The following AREL1 variants were observed in gnomAD, a reference collection of about 807,000 sequenced individuals.
AREL1 encodes apoptosis-resistant E3 ubiquitin protein ligase 1.
Under a neutral mutation model 99.0 loss-of-function variants are expected in AREL1, and 62 were observed. The observed-to-expected ratio is 0.63, with a 90% CI of 0.51 to 0.77. AREL1 has a LOEUF of 0.77. Ranked by LOEUF, AREL1 falls within the 30% of genes least tolerant of loss-of-function variation. The pLI is 0.00. For synonymous variants in AREL1, 380 were observed against 376.5 expected, an observed-to-expected ratio of 1.01 and a Z score of -0.11; for missense variants, 879 against 1,027.6, an observed-to-expected ratio of 0.86 and a Z score of 1.98.
intron 1 of AREL1, among the ~76,000 whole-genome samples, chr14:74,702,092 C>T (rs2090095884): frequency 6.6e-6 from 1 of 152,210 alleles, no homozygotes; most frequent in African/African-American, 2.4e-5. Context: ...TGAGGCTTTT[C>T]CAGGCACATG....
chr14:74,698,367 A>G (rs2090013999), intron 1 of AREL1, among the ~76,000 whole-genome samples: 1 of 152,180 alleles, frequency 6.6e-6, no homozygotes, highest in Non-Finnish European at 1.5e-5. Flanking sequence ...TGGCTTCTAG[A>G]ACATTCTTGC....
rs1347687167 is a variant in AREL1, at chr14:74,689,745, C to T, written c.-46+2296G>A. On this transcript the variant is annotated intron_variant, in intron 2 of 19. Transcript: ENST00000356357. ...CCGAGTAGCTGGGATTACAGGCATGCACCACCACGCCTGGCTAATTTTGTA... is the reference window on the plus strand; with the variant it reads ...CCGAGTAGCTGGGATTACAGGCATGTACCACCACGCCTGGCTAATTTTGTA... Among the ~76,000 whole-genome samples the T allele has an allele frequency of 7.9e-5, 12 of 151,050 alleles. No individual in the cohort carries two copies. The East Asian group carries it at 2.2e-3, about 27-fold the overall frequency.
intron 2 of AREL1, among the ~76,000 whole-genome samples, chr14:74,689,839 G>A (rs12894665): frequency 0.23 from 34,244 of 151,038 alleles, 4,045 homozygotes; most frequent in South Asian, 0.32. Context: ...GAGGTGATCC[G>A]CCTGCCTCAG....
chr14:74,710,177 T>C (rs2090254550), intron 1 of AREL1, among the ~76,000 whole-genome samples: 1 of 152,192 alleles, frequency 6.6e-6, no homozygotes, highest in African/African-American at 2.4e-5. Flanking sequence ...TCTGACCACT[T>C]TCATTTCACG....
intron 1 of AREL1, among the ~76,000 whole-genome samples, chr14:74,699,512 G>A (rs576587449): frequency 5.9e-5 from 9 of 152,226 alleles, no homozygotes; most frequent in South Asian, 2.1e-4. Context: ...ACCCTCAACC[G>A]TGGACTGGAA....
chr14:74,666,337 G>A (rs888097214), intron 17 of AREL1, among the ~76,000 whole-genome samples: 1 of 152,170 alleles, frequency 6.6e-6, no homozygotes, highest in African/African-American at 2.4e-5. Flanking sequence ...TGAGCAACAG[G>A]CCACAACAAA....
intron 5 of AREL1, among the ~76,000 whole-genome samples, chr14:74,682,194 A>G (rs920145669): frequency 1.3e-5 from 2 of 152,176 alleles, no homozygotes; most frequent in African/African-American, 4.8e-5. Flanking sequence ...CACTTTGTCC[A>G]GAGCCTTACT....
intron 15 of AREL1, 79 bp downstream of exon 15, chr14:74,669,570 G>A: frequency 6.6e-7 from 1 of 1,515,674 alleles, no homozygotes; most frequent in Admixed American, 2.1e-5. Context: ...TTCCACCACT[G>A]CAGAAAGTTC....
At position 74,667,376 on chromosome 14, in the gene AREL1, G is replaced by A. The variant is rs757157348; in HGVS notation, c.2046C>T (p.Gly682=). 3.1e-6 allele frequency: 5 copies of A among 1,614,084 alleles called. No individual in the cohort carries two copies. Among genetic ancestry groups the A allele is most frequent in the Non-Finnish European group, 4.2e-6 (5 of 1,180,020 alleles). Residue 682 remains glycine (G), a splice_region_variant and synonymous_variant, in exon 17 of 20, where the codon GGC becomes GGT. Transcript: ENST00000356357. ...GGTTCTCAGGGACCAATTCATTCAG[G>A]CCTGAAACAAAGTAGGCAAGTTAAA... The part of the protein sequence containing the change: ...VKEEVEHFLK[G]LNELVPENLL...
At chr14:74,694,522 C>T (rs1203982367) in intron 1 of AREL1, among the ~76,000 whole-genome samples, 2 of 152,132 alleles carry the variant, frequency 1.3e-5, no homozygotes, top group East Asian at 1.9e-4. Flanking sequence ...TCTTGGTATA[C>T]GGAATTATAA....
At position 74,670,767 on chromosome 14, in the gene AREL1, C is replaced by T. The variant is rs372477648; in HGVS notation, c.1603G>A (p.Ala535Thr). 2.0e-5 allele frequency: 32 copies of T among 1,613,708 alleles called. No homozygotes were observed. Among genetic ancestry groups the T allele is most frequent in the South Asian group, 3.3e-5 (3 of 91,068 alleles). ...LFTRFSDNNQ[A>T]LVHPNPNRPA... ...CCCACCCGTCACCAACTCACTAATG[C>T]TTGGTTGTTGTCACTGAACCGGGTG... Residue 535 changes from alanine to threonine, a missense_variant, in exon 13 of 20, where the codon GCA becomes ACA. By Grantham distance (58) the Ala-to-Thr change is moderately conservative (BLOSUM62 0). Coordinates refer to ENST00000356357, the MANE Select transcript of AREL1 (RefSeq NM_001039479.2).
chr14:74,691,784 C>T lies in AREL1; in HGVS notation c.-46+257G>A, dbSNP rs186355613. Among the ~76,000 whole-genome samples, 572 of 152,166 alleles carry T rather than the reference C, an allele frequency of 3.8e-3. 10 individuals are homozygous for T. Among genetic ancestry groups the T allele is most frequent in the African/African-American group, 0.013 (521 of 41,518 alleles). ...CATATTCTAAAATCCTCTGCTTTTT[C>T]GGAGTATAAAGATTTTTAATTACAG... On this transcript the variant is annotated intron_variant, in intron 2 of 19. Transcript: ENST00000356357.
At position 74,667,514 on chromosome 14, in the gene AREL1, T is replaced by C. The variant is rs2089236196; in HGVS notation, c.1995A>G (p.Gln665=). The change falls in exon 16 of 20, where the codon CAA becomes CAG. Residue 665 remains glutamine (Q), a synonymous_variant. Transcript: ENST00000356357. ...NKIFYLNLLA[Q]YRLASQVKEE... ...CTTTCACTTGACTGGCCAGCCGATA[T>C]TGGGCCAGCAAATTTAAATAGAAGA... 1 of 1,613,906 alleles carries C rather than the reference T, an allele frequency of 6.2e-7. No homozygotes were observed. Among genetic ancestry groups the C allele is most frequent in the Non-Finnish European group, 8.5e-7 (1 of 1,179,896 alleles).
chr14:74,672,234 T>C (rs1330336321), intron 11 of AREL1, among the ~76,000 whole-genome samples: 6 of 152,232 alleles, frequency 3.9e-5, no homozygotes, highest in Admixed American at 3.3e-4. Context: ...TCAGTAGATT[T>C]GAAGGCCAGT....
chr14:74,685,486 G>A lies in AREL1; in HGVS notation c.16+114C>T, dbSNP rs1263985094. On this transcript the variant is annotated intron_variant, in intron 3 of 19. Transcript: ENST00000356357. ...ACTCTGTGAAGGTACATTCTGGCACGACTAGAAATATTTTCAGCTCCATTT... is the reference window on the plus strand; with the variant it reads ...ACTCTGTGAAGGTACATTCTGGCACAACTAGAAATATTTTCAGCTCCATTT... 5.3e-5 allele frequency: 67 copies of A among 1,259,632 alleles called. No homozygotes were observed. In the South Asian group the frequency reaches 7.9e-4, roughly 15 times the overall value. The allele number at this position is 1,259,632 out of a possible 1,614,324, so 78.0% of individuals were successfully genotyped here. A position where few individuals can be genotyped will look rare whatever the true frequency, so the allele number is the denominator to read the frequency against.
chr14:74,680,252 G>A (rs2089600897), intron 5 of AREL1, among the ~76,000 whole-genome samples: 1 of 151,904 alleles, frequency 6.6e-6, no homozygotes, highest in Non-Finnish European at 1.5e-5. Context: ...CAAAAGACAC[G>A]AAGAGACATT....
Position 74,663,661 on chromosome 14 carries a change from GTAAC to G in AREL1, c.*55_*58del. The G allele has an allele frequency of 2.0e-6, 3 of 1,507,518 alleles. No individual in the cohort carries two copies. The highest frequency in any genetic ancestry group is 2.8e-6 in the Non-Finnish European group (3 of 1,084,922). The allele number at this position is 1,507,518 out of a possible 1,614,324, so 93.4% of individuals were successfully genotyped here. On this transcript the variant is annotated 3_prime_UTR_variant, in exon 20 of 20. Transcript: ENST00000356357. The stretch of plus-strand genomic sequence containing the variant: ...GTTAGGATCAGTGGTTATGATGTCT[GTAAC>G]TTGCGCCCAGAAGCTCCAGAGAGCA...
At position 74,663,994 on chromosome 14, in the gene AREL1, G is replaced by A. The variant is rs374039077; in HGVS notation, c.2274C>T (p.Ser758=). ...CAAAGCCTCCAGGTGGTAGCTGAGA[G>A]GAGCCTGTTGTGAACTGAAGTAGCC... ...LARLLQFTTG[S]SQLPPGGFAA... The change falls in exon 19 of 20, where the codon TCC becomes TCT. Residue 758 remains serine, a synonymous_variant. Transcript: ENST00000356357. 1 of 1,614,090 alleles carries A rather than the reference G, an allele frequency of 6.2e-7. No individual in the cohort carries two copies. The highest frequency in any genetic ancestry group is 1.3e-5 in the African/African-American group (1 of 74,922).
chr14:74,663,385 C>A lies in AREL1; in HGVS notation c.*335G>T, dbSNP rs1234223607. The A allele has an allele frequency of 1.4e-5, 5 of 346,646 alleles. No individual in the cohort carries two copies. Among genetic ancestry groups the A allele is most frequent in the African/African-American group, 4.2e-5 (2 of 47,496 alleles). 21.5% of individuals were successfully genotyped at this position (346,646 alleles called of 1,614,324 possible). On this transcript the variant is annotated 3_prime_UTR_variant, in exon 20 of 20. Coordinates refer to ENST00000356357, the MANE Select transcript of AREL1 (RefSeq NM_001039479.2). ...CAGTGTGGATTTAAGGGTCTCCACACCAGTTTCCCAACAGGGCTGAGCCCC... is the reference window on the plus strand; with the variant it reads ...CAGTGTGGATTTAAGGGTCTCCACAACAGTTTCCCAACAGGGCTGAGCCCC...
Sources: allele counts gnomAD v4.1 joint callset (sites outside exome capture counted in the v4.1 genomes callset), GRCh38; gene constraint gnomAD v4.1.1; transcripts MANE v1.5; gene names NCBI Gene and HGNC (gene_info 2026-07-23, HGNC 2026-07-21).